KCTD20: variants seen among roughly 807,000 people sequenced by gnomAD.
KCTD20 encodes the protein BTB/POZ domain-containing protein KCTD20.
In KCTD20, 30 loss-of-function variants were observed where a neutral mutation model predicts 39.6. The ratio of observed to expected loss-of-function variants is 0.76; its 90% CI spans 0.57 to 1.03. The LOEUF (loss-of-function observed/expected upper bound fraction) is 1.03, where lower values mean the gene tolerates loss of function less well. Among genes scored for constraint, KCTD20 ranks in the 50% least tolerant of loss-of-function variants. The pLI, the probability that KCTD20 is intolerant of heterozygous loss-of-function variation, is 0.00. For missense variants in KCTD20, 422 were observed against 522.0 expected (o/e 0.81, Z 1.87); for synonymous variants, 162 against 180.6 (o/e 0.90, Z 0.83).
chr6:36,466,772 A>C (rs935456199), intron 1 of KCTD20, among the ~76,000 whole-genome samples: 3 of 151,914 alleles, frequency 2.0e-5, no homozygotes, highest in African/African-American at 4.8e-5. Context: ...GAACCAGGGT[A>C]GGCAATGAAA....
intron 1 of KCTD20, among the ~76,000 whole-genome samples, chr6:36,461,713 T>G (rs1012295521): frequency 6.6e-6 from 1 of 152,216 alleles, no homozygotes; most frequent in African/African-American, 2.4e-5. Flanking sequence ...AGTTAAAAGC[T>G]GTCTTTCATC....
At chr6:36,465,890 A>G (rs1441177968) in intron 1 of KCTD20, among the ~76,000 whole-genome samples, 5 of 152,096 alleles carry the variant, frequency 3.3e-5, no homozygotes, top group African/African-American at 9.7e-5. Context: ...TCTGGGTTCC[A>G]TTATTAATAT....
intron 1 of KCTD20, among the ~76,000 whole-genome samples, chr6:36,453,536 C>T (rs1338323295): frequency 2.9e-5 from 4 of 139,134 alleles, no homozygotes; most frequent in Non-Finnish European, 4.6e-5. Context: ...TTTTTTGAGA[C>T]GGAGTTTTGC....
intron 1 of KCTD20, among the ~76,000 whole-genome samples, chr6:36,445,746 T>G (rs1172302096): frequency 6.6e-6 from 1 of 152,190 alleles, no homozygotes; most frequent in Non-Finnish European, 1.5e-5. Flanking sequence ...CCTAGCCCAG[T>G]GTTCTTCCCA....
chr6:36,454,282 G>T (rs971012486), intron 1 of KCTD20, among the ~76,000 whole-genome samples: 6 of 151,748 alleles, frequency 4.0e-5, no homozygotes, highest in Non-Finnish European at 8.8e-5. Context: ...TTTACAAATT[G>T]TCTATGACTG....
At chr6:36,452,179 T>C (rs1775277078) in intron 1 of KCTD20, among the ~76,000 whole-genome samples, 2 of 152,218 alleles carry the variant, frequency 1.3e-5, no homozygotes, top group South Asian at 4.1e-4. Context: ...CATAATGTAT[T>C]ATCCTTTTTT....
At chr6:36,476,335 G>A (rs987074423) in intron 3 of KCTD20, among the ~76,000 whole-genome samples, 2 of 151,746 alleles carry the variant, frequency 1.3e-5, no homozygotes, top group African/African-American at 4.8e-5. Context: ...TTAGAAATTC[G>A]AATTGATCAC....
intron 1 of KCTD20, among the ~76,000 whole-genome samples, chr6:36,456,302 G>A (rs1775431495): frequency 2.0e-5 from 3 of 151,968 alleles, no homozygotes; most frequent in South Asian, 2.1e-4. Flanking sequence ...TTTTTGAGAC[G>A]GAGTCTTGTT....
chr6:36,460,547 C>T (rs1264362480), intron 1 of KCTD20, among the ~76,000 whole-genome samples: 1 of 152,144 alleles, frequency 6.6e-6, no homozygotes, highest in Non-Finnish European at 1.5e-5. Flanking sequence ...TCAAGTGATC[C>T]GCCCACCTCA....
intron 1 of KCTD20, among the ~76,000 whole-genome samples, chr6:36,444,777 T>C (rs1774987745): frequency 6.6e-6 from 1 of 152,232 alleles, no homozygotes; most frequent in Non-Finnish European, 1.5e-5. Flanking sequence ...CAGAGTTGCA[T>C]TCCTCCTTTG....
intron 3 of KCTD20, among the ~76,000 whole-genome samples, chr6:36,475,880 T>C (rs943225040): frequency 1.3e-5 from 2 of 152,266 alleles, no homozygotes; most frequent in Admixed American, 1.3e-4. Flanking sequence ...TGTCATTTTC[T>C]AATGCCTTCC....
At chr6:36,478,609 T>G (rs1411405328) in intron 3 of KCTD20, among the ~76,000 whole-genome samples, 1 of 152,114 alleles carries the variant, frequency 6.6e-6, no homozygotes, top group Non-Finnish European at 1.5e-5. Context: ...CATAGCTGCA[T>G]CTAACAGAAG....
chr6:36,479,256 C>G, intron 4 of KCTD20, 33 bp downstream of exon 4: 1 of 1,447,410 alleles, frequency 6.9e-7, no homozygotes, highest in African/African-American at 1.4e-5. Context: ...ACATTCTCTT[C>G]CTCAGGGGCA....
chr6:36,455,182 C>T (rs1316632895), intron 1 of KCTD20, among the ~76,000 whole-genome samples: 1 of 151,682 alleles, frequency 6.6e-6, no homozygotes, highest in Admixed American at 6.6e-5. Flanking sequence ...CTGAGGTGGG[C>T]GGATCACCTG....
At chr6:36,481,924 AAC>A (rs1262623041) in intron 6 of KCTD20, among the ~76,000 whole-genome samples, 165 bp downstream of exon 6, 1 of 152,194 alleles carries the variant, frequency 6.6e-6, no homozygotes, top group Admixed American at 6.5e-5. Flanking sequence ...TATGCTGGGG[AAC>A]ACAGTGAATG....
At chr6:36,443,146 G>C (rs1338130784) in intron 1 of KCTD20, 35 bp downstream of exon 1, 1 of 152,498 alleles carries the variant, frequency 6.6e-6, no homozygotes, top group African/African-American at 2.4e-5. Flanking sequence ...CGGGCGCGAA[G>C]ACCGGGCAGG....
chr6:36,485,802 A>G (rs955298470), intron 7 of KCTD20, among the ~76,000 whole-genome samples: 6 of 151,712 alleles, frequency 4.0e-5, no homozygotes, highest in African/African-American at 1.2e-4. Context: ...CCCTATGTGG[A>G]TCTTTGTTTG....
rs1775845590 is a variant in KCTD20, at chr6:36,469,316, A to C, written c.-46-736A>C. On this transcript the variant is annotated intron_variant, in intron 1 of 7. Coordinates refer to ENST00000373731, the MANE Select transcript of KCTD20 (RefSeq NM_173562.5). This position sits in a 1 kb window ranked among gnomAD's most constrained non-coding sequence, Gnocchi z 4.6. ...GGGCGTGATTAACCAGCAGAAAGTT[A>C]TGAGGCCCCCTGTGTGGCTGCTGTG... 6.6e-6 allele frequency among the ~76,000 whole-genome samples: 1 copy of C among 152,172 alleles called. No individual in the cohort carries two copies. The highest frequency in any genetic ancestry group is 2.4e-5 in the African/African-American group (1 of 41,446).
Position 36,487,273 on chromosome 6 carries a change from T to C in KCTD20, c.*98T>C. 2 of 1,208,726 alleles carry C rather than the reference T, an allele frequency of 1.7e-6. No homozygotes were observed. Among genetic ancestry groups the C allele is most frequent in the South Asian group, 2.9e-5 (2 of 69,612 alleles). The allele number at this position is 1,208,726 out of a possible 1,614,324, so 74.9% of individuals were successfully genotyped here. A position where few individuals can be genotyped will look rare whatever the true frequency, so the allele number is the denominator to read the frequency against. ...TTTGTCTCACCTTGAGTAGGAGACA[T>C]GCTTCTCCCCTAACCTTTTCCTTTC... On this transcript the variant is annotated 3_prime_UTR_variant, in exon 8 of 8. Transcript: ENST00000373731.
Sources: gnomAD v4.1 joint callset for allele counts (sites outside exome capture counted in the v4.1 genomes callset) on GRCh38, gnomAD v4.1.1 for gene constraint, Gnocchi (gnomAD v3.1) non-coding constraint, MANE v1.5 for transcripts, NCBI Gene and HGNC (gene_info 2026-07-23, HGNC 2026-07-21) for gene names.